CFAP20DC: variants seen among roughly 807,000 people sequenced by gnomAD.
CFAP20DC encodes the protein CFAP20 domain containing, also known as protein CFAP20DC.
In CFAP20DC, 84 loss-of-function variants were observed where a neutral mutation model predicts 101.7. That is an observed-to-expected ratio of 0.83 (90% confidence interval 0.69 to 0.99). CFAP20DC has a LOEUF of 0.99. Among genes scored for constraint, CFAP20DC ranks in the 50% least tolerant of loss-of-function variants. CFAP20DC has a pLI of 0.00. For missense variants in CFAP20DC, 1,007 were observed against 970.3 expected (o/e 1.04, Z -0.50); for synonymous variants, 359 against 351.2 (o/e 1.02, Z -0.25).
chr3:58,910,103 A>T (rs1576265177), intron 6 of CFAP20DC, among the ~76,000 whole-genome samples: 1 of 152,250 alleles, frequency 6.6e-6, no homozygotes, highest in Admixed American at 6.5e-5. Flanking sequence ...TCCCTGGTGT[A>T]TCTGTACCAC....
At chr3:58,765,298 A>G (rs1016868343) in intron 15 of CFAP20DC, among the ~76,000 whole-genome samples, 8 of 152,076 alleles carry the variant, frequency 5.3e-5, no homozygotes, top group African/African-American at 9.7e-5. Context: ...ACACACACGC[A>G]CACACATATA....
At position 58,863,387 on chromosome 3, in the gene CFAP20DC, A is replaced by G; in HGVS notation, c.1593+171T>C. On this transcript the variant is annotated intron_variant, in intron 12 of 16. Transcript: ENST00000482387. This position sits in a 1 kb window ranked among gnomAD's most constrained non-coding sequence, Gnocchi z 5.9. ...CTGTTAATTAAAAAAAAAAAAAGAC[A>G]GTTTAAAGTTACCATAACAACCTGA... is the stretch of plus-strand genomic sequence containing the variant. 7.2e-7 allele frequency: 1 copy of G among 1,387,500 alleles called. No individual in the cohort carries two copies. The highest frequency in any genetic ancestry group is 9.3e-7 in the Non-Finnish European group (1 of 1,075,246). The allele number at this position is 1,387,500 out of a possible 1,614,324, so 85.9% of individuals were successfully genotyped here. A position where few individuals can be genotyped will look rare whatever the true frequency, so the allele number is the denominator to read the frequency against.
rs533918803 is a variant in CFAP20DC, at chr3:58,849,611, C to T, written c.1594-202G>A. On this transcript the variant is annotated intron_variant, in intron 12 of 16. Coordinates refer to ENST00000482387, the MANE Select transcript of CFAP20DC (RefSeq NM_001394063.1). The stretch of plus-strand genomic sequence containing the variant: ...AGTTATAAGCCATTTGCTAAAATGT[C>T]CTGCTATACGGTATTTGGTCTGGAT... 3.3e-5 allele frequency among the ~76,000 whole-genome samples: 5 copies of T among 152,162 alleles called. No homozygotes were observed. The South Asian group carries it at 8.3e-4, about 25-fold the overall frequency.
intron 15 of CFAP20DC, among the ~76,000 whole-genome samples, chr3:58,762,704 C>T (rs1193503990): frequency 6.6e-6 from 1 of 152,184 alleles, no homozygotes; most frequent in Non-Finnish European, 1.5e-5. Context: ...TTTAGTGCTT[C>T]CTTCAGGAGC....
intron 4 of CFAP20DC, among the ~76,000 whole-genome samples, chr3:59,032,668 G>C (rs1311308397): frequency 6.6e-6 from 1 of 152,198 alleles, no homozygotes; most frequent in African/African-American, 2.4e-5. Context: ...TCCAGGCAGG[G>C]CATCTCCAAA....
intron 11 of CFAP20DC, among the ~76,000 whole-genome samples, chr3:58,865,697 C>A (rs898653361): frequency 6.6e-6 from 1 of 152,122 alleles, no homozygotes; most frequent in African/African-American, 2.4e-5. Context: ...TTACAAAAGT[C>A]AATAGGTTGC....
intron 15 of CFAP20DC, among the ~76,000 whole-genome samples, chr3:58,782,763 A>G (rs2071959393): frequency 6.6e-6 from 1 of 152,132 alleles, no homozygotes; most frequent in African/African-American, 2.4e-5. Context: ...GAAATTGAAA[A>G]GGATATAAAC....
At chr3:58,884,504 C>A (rs766940914) in intron 7 of CFAP20DC, 41 bp downstream of exon 7, 4 of 1,579,492 alleles carry the variant, frequency 2.5e-6, no homozygotes. Context: ...GGGAGAGATG[C>A]AGACATATTA....
intron 12 of CFAP20DC, among the ~76,000 whole-genome samples, chr3:58,852,344 C>T (rs542313580): frequency 0.062 from 9,440 of 151,830 alleles, 546 homozygotes; most frequent in African/African-American, 0.16. Context: ...TAAAGCAAGT[C>T]CTGAGTGACC....
chr3:58,847,768 A>G, intron 13 of CFAP20DC, among the ~76,000 whole-genome samples: 3 of 121,310 alleles, frequency 2.5e-5, no homozygotes, highest in African/African-American at 9.6e-5. Flanking sequence ...GAACCAACCC[A>G]AATGTCCAAC....
At chr3:58,773,133 C>T (rs1248259784) in intron 15 of CFAP20DC, among the ~76,000 whole-genome samples, 3 of 151,562 alleles carry the variant, frequency 2.0e-5, no homozygotes, top group South Asian at 4.2e-4. Context: ...TTTTAGGTGA[C>T]AAATGCTTAT....
At position 58,795,971 on chromosome 3, in the gene CFAP20DC, A is replaced by G. The variant is rs902339272; in HGVS notation, c.2237+10424T>C. Among the ~76,000 whole-genome samples the G allele has an allele frequency of 2.6e-5, 4 of 152,192 alleles. No individual in the cohort carries two copies. The highest frequency in any genetic ancestry group is 9.7e-5 in the African/African-American group (4 of 41,438). ...TGGAGGGTGGGGTTAGCTGATGCTCAGGCAGGCGGGTCCAGACACGAACAT... is the reference window on the plus strand; with the variant it reads ...TGGAGGGTGGGGTTAGCTGATGCTCGGGCAGGCGGGTCCAGACACGAACAT... On this transcript the variant is annotated intron_variant, in intron 15 of 16. Coordinates refer to ENST00000482387, the MANE Select transcript of CFAP20DC (RefSeq NM_001394063.1). The surrounding 1 kb of genome is among the most constrained non-coding windows in gnomAD (Gnocchi z 4.2).
chr3:58,777,577 C>A (rs931828754), intron 15 of CFAP20DC, among the ~76,000 whole-genome samples: 1 of 152,178 alleles, frequency 6.6e-6, no homozygotes, highest in Non-Finnish European at 1.5e-5. Flanking sequence ...ATTTTCCCAA[C>A]AGAAAAATAA....
chr3:58,776,920 C>T (rs2071387225), intron 15 of CFAP20DC, among the ~76,000 whole-genome samples: 1 of 152,044 alleles, frequency 6.6e-6, no homozygotes, highest in Non-Finnish European at 1.5e-5. Context: ...AACCTCTGGA[C>T]TCTTCCACTG....
At chr3:58,790,400 G>A (rs569261297) in intron 15 of CFAP20DC, among the ~76,000 whole-genome samples, 204 of 152,318 alleles carry the variant, frequency 1.3e-3, no homozygotes, top group African/African-American at 4.7e-3. Flanking sequence ...GGCCCTAAAT[G>A]GGAACAGGCA....
intron 5 of CFAP20DC, among the ~76,000 whole-genome samples, chr3:58,926,280 T>G (rs1158326806): frequency 6.6e-6 from 1 of 151,426 alleles, no homozygotes; most frequent in Non-Finnish European, 1.5e-5. Context: ...GCAGGAGAAT[T>G]GTTTGAACCT....
chr3:58,844,830 A>T (rs1489014434), intron 13 of CFAP20DC, among the ~76,000 whole-genome samples: 2 of 139,332 alleles, frequency 1.4e-5, no homozygotes, highest in Non-Finnish European at 3.0e-5. Context: ...CCACAGTGCA[A>T]TCAAACTAGA....
At chr3:58,995,376 T>TAAAAAA (rs35714840) in intron 4 of CFAP20DC, among the ~76,000 whole-genome samples, 2 of 143,904 alleles carry the variant, frequency 1.4e-5, no homozygotes, top group Non-Finnish European at 1.5e-5. Flanking sequence ...AATATCTCAC[T>TAAAAAA]AAAAAAAAAA....
chr3:58,819,037 G>A (rs1307934575), intron 14 of CFAP20DC, among the ~76,000 whole-genome samples: 1 of 150,818 alleles, frequency 6.6e-6, no homozygotes, highest in Non-Finnish European at 1.5e-5. Flanking sequence ...GCTCCTGAAT[G>A]ACTACTGGGT....
Sources: allele counts gnomAD v4.1 joint callset (sites outside exome capture counted in the v4.1 genomes callset), GRCh38; gene constraint gnomAD v4.1.1; non-coding constraint Gnocchi (gnomAD v3.1); transcripts MANE v1.5; gene names NCBI Gene and HGNC (gene_info 2026-07-23, HGNC 2026-07-21).